The following DGKG variants were observed in gnomAD, a reference collection of about 807,000 sequenced individuals.
The protein encoded by DGKG is DAG kinase gamma.
DGKG carries 78 observed loss-of-function variants against 105.3 expected under a neutral mutation model. That is an observed-to-expected ratio of 0.74 (90% CI 0.62 to 0.89). The LOEUF (loss-of-function observed/expected upper bound fraction) is 0.89. Ranked by LOEUF, DGKG falls within the 40% of genes least tolerant of loss-of-function variation. The probability of loss-of-function intolerance (pLI) is 0.00; values close to 1 mark genes in which losing one functional copy is unlikely to be tolerated. For missense variants in DGKG, 958 were observed against 1,020.1 expected, an observed-to-expected ratio of 0.94 and a Z score of 0.83; for synonymous variants, 346 against 367.1, an observed-to-expected ratio of 0.94 and a Z score of 0.66.
chr3:186,335,819 T>A (rs544079326), intron 1 of DGKG, among the ~76,000 whole-genome samples: 2 of 152,252 alleles, frequency 1.3e-5, no homozygotes, highest in African/African-American at 4.8e-5. Flanking sequence ...TCCACAAGAT[T>A]TCACCTCCCA....
chr3:186,165,153 A>G, intron 22 of DGKG, 135 bp from the exon 23 acceptor site: 1 of 877,848 alleles, frequency 1.1e-6, no homozygotes. Context: ...TTTCATATTC[A>G]CTCTGAATAG....
At chr3:186,237,928 A>T (rs2108547235) in intron 20 of DGKG, among the ~76,000 whole-genome samples, 1 of 152,334 alleles carries the variant, frequency 6.6e-6, no homozygotes, top group Non-Finnish European at 1.5e-5. Flanking sequence ...ACCACTTGGC[A>T]TCTAGGAGGA....
At chr3:186,352,374 C>A (rs553664213) in intron 1 of DGKG, among the ~76,000 whole-genome samples, 1 of 152,094 alleles carries the variant, frequency 6.6e-6, no homozygotes, top group Non-Finnish European at 1.5e-5. Flanking sequence ...CAGGTACTGG[C>A]AATACATTGA....
intron 20 of DGKG, among the ~76,000 whole-genome samples, chr3:186,218,668 A>C (rs1287802819): frequency 6.6e-6 from 1 of 152,148 alleles, no homozygotes; most frequent in Admixed American, 6.5e-5. Flanking sequence ...GTATTGTCAG[A>C]ACTGACATTT....
chr3:186,299,416 C>T (rs898613857), intron 3 of DGKG, among the ~76,000 whole-genome samples: 2 of 152,286 alleles, frequency 1.3e-5, no homozygotes, highest in Admixed American at 6.5e-5. Flanking sequence ...GGCCTCCCCA[C>T]CCCACTGAGG....
At chr3:186,311,882 C>T (rs1185012986) in intron 2 of DGKG, among the ~76,000 whole-genome samples, 5 of 128,344 alleles carry the variant, frequency 3.9e-5, no homozygotes, top group East Asian at 2.0e-4. Flanking sequence ...TTTGGGAGGC[C>T]GAGGCGGGTG....
chr3:186,313,279 A>C (rs778984936), intron 2 of DGKG, among the ~76,000 whole-genome samples: 3 of 152,244 alleles, frequency 2.0e-5, no homozygotes, highest in Non-Finnish European at 4.4e-5. Flanking sequence ...GACCACTGAC[A>C]TGTGGAAGTG....
chr3:186,308,239 T>TATAAAGGA (rs1724350678), intron 2 of DGKG, among the ~76,000 whole-genome samples: 1 of 152,198 alleles, frequency 6.6e-6, no homozygotes, highest in South Asian at 2.1e-4. Flanking sequence ...TTTGGAATTT[T>TATAAAGGA]ATAAAGGAAT....
In DGKG at chr3:186,288,828, G is replaced by A. The variant is rs752885645; in HGVS notation, c.426C>T (p.Thr142=). Residue 142 remains threonine (T), a synonymous_variant, in exon 6 of 25, where the codon ACC becomes ACT. Coordinates refer to ENST00000265022, the MANE Select transcript of DGKG (RefSeq NM_001346.3). ...QAPAEDQVAA[T]PLEPPVPRSS... ...ACCGAGGGACGGGGGGTTCCAGGGG[G>A]GTCGCAGCCACTTGGTCTTCAGCTG... 13 of 1,609,510 alleles carry A rather than the reference G, an allele frequency of 8.1e-6. No individual in the cohort carries two copies. The East Asian group carries it at 1.6e-4, about 19-fold the overall frequency.
At chr3:186,201,448 C>T (rs1718456886) in intron 21 of DGKG, among the ~76,000 whole-genome samples, 2 of 152,116 alleles carry the variant, frequency 1.3e-5, no homozygotes, top group South Asian at 2.1e-4. Context: ...TGAGCTCTGC[C>T]CACTCACTGT....
chr3:186,185,121 T>A (rs1361018959), intron 22 of DGKG, among the ~76,000 whole-genome samples: 1 of 152,226 alleles, frequency 6.6e-6, no homozygotes, highest in Non-Finnish European at 1.5e-5. Flanking sequence ...GAGTCTGGAC[T>A]GGAACTCCAG....
At chr3:186,321,613 C>T (rs1725079583) in intron 1 of DGKG, among the ~76,000 whole-genome samples, 1 of 152,176 alleles carries the variant, frequency 6.6e-6, no homozygotes, top group Non-Finnish European at 1.5e-5. Flanking sequence ...TTTAACAAAA[C>T]AGGATCCATC....
At chr3:186,355,364 C>G (rs1445787655) in intron 1 of DGKG, among the ~76,000 whole-genome samples, 5 of 117,690 alleles carry the variant, frequency 4.2e-5, no homozygotes, top group African/African-American at 1.4e-4. Flanking sequence ...ACTCCTACCA[C>G]CATGATCATC....
At chr3:186,331,949 A>G (rs1725624588) in intron 1 of DGKG, among the ~76,000 whole-genome samples, 1 of 152,220 alleles carries the variant, frequency 6.6e-6, no homozygotes. Flanking sequence ...GCAGGCCCAG[A>G]GTAATTCTCC....
At chr3:186,158,055 T>A in intron 24 of DGKG, 1 of 343,090 alleles carries the variant, frequency 2.9e-6, no homozygotes, top group Non-Finnish European at 4.1e-6. Context: ...TATTTTTATA[T>A]TACATTTATA....
intron 3 of DGKG, among the ~76,000 whole-genome samples, chr3:186,303,379 GT>G (rs981542545): frequency 4.6e-5 from 7 of 152,112 alleles, no homozygotes; most frequent in African/African-American, 1.7e-4. Context: ...AAGGAACTCT[GT>G]TTTTCCCCAG....
chr3:186,273,367 C>CTTTTTT (rs375667915), intron 10 of DGKG, among the ~76,000 whole-genome samples: 3 of 85,598 alleles, frequency 3.5e-5, no homozygotes, highest in Non-Finnish European at 4.6e-5. Context: ...TGTTGTACCC[C>CTTTTTT]TTTTTTTTTT....
intron 1 of DGKG, among the ~76,000 whole-genome samples, chr3:186,324,104 CAAAAAAAAAAAA>C (rs561960985): frequency 5.1e-5 from 3 of 58,370 alleles, no homozygotes; most frequent in Non-Finnish European, 1.0e-4. Flanking sequence ...GAGAGTCTGT[CAAAAAAAAAAAA>C]AAAAAAAAAG....
At chr3:186,252,746 C>T (rs1423779938) in intron 18 of DGKG, among the ~76,000 whole-genome samples, 1 of 152,122 alleles carries the variant, frequency 6.6e-6, no homozygotes, top group African/African-American at 2.4e-5. Flanking sequence ...AAGTGAGCAC[C>T]TTCTTGGATG....
Sources: allele counts gnomAD v4.1 joint callset (sites outside exome capture counted in the v4.1 genomes callset), GRCh38; gene constraint gnomAD v4.1.1; transcripts MANE v1.5; gene names NCBI Gene and HGNC (gene_info 2026-07-23, HGNC 2026-07-21).